DDHD1: variants seen among roughly 807,000 people sequenced by gnomAD.
The protein encoded by DDHD1 is DDHD domain containing 1.
A neutral mutation model predicts 96.4 loss-of-function variants in DDHD1; 49 were observed. That is an observed-to-expected ratio of 0.51 (90% CI 0.40 to 0.64). The LOEUF (loss-of-function observed/expected upper bound fraction) is 0.64. Ranked by LOEUF, DDHD1 falls within the 30% of genes least tolerant of loss-of-function variation. DDHD1 has a pLI of 0.00. For missense variants in DDHD1, 1,106 were observed against 1,161.2 expected (o/e 0.95, Z 0.69); for synonymous variants, 442 against 446.5 (o/e 0.99, Z 0.13).
At chr14:53,135,929 A>G (rs1312785911) in intron 1 of DDHD1, among the ~76,000 whole-genome samples, 2 of 152,254 alleles carry the variant, frequency 1.3e-5, no homozygotes, top group African/African-American at 4.8e-5. Flanking sequence ...CTAAGCCATC[A>G]TATCTCCTGT....
Position 53,108,246 on chromosome 14 carries a change from C to T in DDHD1, c.839-4390G>A, listed in dbSNP as rs530563753. ...GCGCCCACTGCTCTTCCCGACTGGG[C>T]TAAAGGCTTGCCATTGTTCCTGCAC... On this transcript the variant is annotated intron_variant, in intron 1 of 12. Coordinates refer to ENST00000673822, the MANE Select transcript of DDHD1 (RefSeq NM_001160148.2). Among the ~76,000 whole-genome samples the T allele has an allele frequency of 4.6e-5, 7 of 152,350 alleles. No individual in the cohort carries two copies. The South Asian group carries it at 1.5e-3, about 32-fold the overall frequency.
At chr14:53,150,413 T>C (rs556899166) in intron 1 of DDHD1, among the ~76,000 whole-genome samples, 1 of 152,360 alleles carries the variant, frequency 6.6e-6, no homozygotes, top group East Asian at 1.9e-4. Flanking sequence ...GACAAGTTCA[T>C]TAATTTCGCT....
intron 5 of DDHD1, 50 bp from the exon 6 acceptor site, chr14:53,072,753 A>T: frequency 7.6e-7 from 1 of 1,313,730 alleles, no homozygotes. Flanking sequence ...AGTCTCTGTT[A>T]CAGGAAAGTA....
chr14:53,121,547 A>G (rs112203961), intron 1 of DDHD1, among the ~76,000 whole-genome samples: 2,950 of 152,320 alleles, frequency 0.019, 103 homozygotes, highest in African/African-American at 0.068. Context: ...CTCATCAATG[A>G]TAGACTGGAT....
rs76296720 is a variant in DDHD1, at chr14:53,068,087, T to C, written c.1503+4510A>G. 6.2e-3 allele frequency among the ~76,000 whole-genome samples: 945 copies of C among 152,232 alleles called. 16 individuals carry two copies. The highest frequency in any genetic ancestry group is 0.022 in the African/African-American group (897 of 41,544). ...TATTTCATCTAATCTACCATCCACA[T>C]TCTAATTCTGCCAGCGTATCTAATA... On this transcript the variant is annotated intron_variant, in intron 6 of 12. Coordinates refer to ENST00000673822, the MANE Select transcript of DDHD1 (RefSeq NM_001160148.2).
intron 3 of DDHD1, 145 bp downstream of exon 3, chr14:53,093,171 A>G: frequency 1.4e-6 from 1 of 739,728 alleles, no homozygotes; most frequent in Non-Finnish European, 1.9e-6. Context: ...TCAACTTAAT[A>G]AAAGTTTCAT....
rs1341763453 is a variant in DDHD1 at position 53,077,657 on chromosome 14, G to GT, written c.1290-3811dup. Among the ~76,000 whole-genome samples the GT allele has an allele frequency of 1.2e-3, 106 of 87,966 alleles. 1 individual carries two copies. The East Asian group carries it at 0.025, about 21-fold the overall frequency. The allele number at this position is 87,966 out of a possible 152,430, so 57.7% of individuals were successfully genotyped here. A position where few individuals can be genotyped will look rare whatever the true frequency, so the allele number is the denominator to read the frequency against. On this transcript the variant is annotated intron_variant, in intron 4 of 12. Transcript: ENST00000673822. ...AGTTGCTTTTGACACAACTTCATTA[G>GT]TTTTTGTTTTTGTTTTTTTTTTTTA...
Position 53,094,843 on chromosome 14 carries a change from CAA to C in DDHD1, c.1013-1401_1013-1400del, listed in dbSNP as rs35080055. On this transcript the variant is annotated intron_variant, in intron 2 of 12. Coordinates refer to ENST00000673822, the MANE Select transcript of DDHD1 (RefSeq NM_001160148.2). ...TGGGCAACACAGAGAGATCCTGTCT[CAA>C]AAAAAAAAAAAAAATCAGTATGGTT... Among the ~76,000 whole-genome samples the C allele has an allele frequency of 1.4e-3, 197 of 141,292 alleles. 1 individual carries two copies. Among genetic ancestry groups the C allele is most frequent in the African/African-American group, 4.1e-3 (161 of 38,856 alleles). The allele number at this position is 141,292 out of a possible 152,430, so 92.7% of individuals were successfully genotyped here.
rs142645677 is a variant in DDHD1, at chr14:53,081,505, C to T, written c.1290-7658G>A. Among the ~76,000 whole-genome samples the T allele has an allele frequency of 9.5e-4, 144 of 152,228 alleles. 1 individual carries two copies. Among genetic ancestry groups the T allele is most frequent in the African/African-American group, 3.3e-3 (136 of 41,540 alleles). On this transcript the variant is annotated intron_variant, in intron 4 of 12. Transcript: ENST00000673822. ...CTCAACCATAGACAATTTTGTACTT[C>T]GAGGGACACTTGGCAATGTTTGGAG...
intron 2 of DDHD1, chr14:53,096,057 A>G (rs1886860155): frequency 1.2e-6 from 1 of 858,920 alleles, no homozygotes; most frequent in East Asian, 1.2e-4. Flanking sequence ...TTTAAATGCA[A>G]CTGAATACTA....
chr14:53,061,750 T>C (rs1883576329), intron 7 of DDHD1, among the ~76,000 whole-genome samples: 1 of 152,124 alleles, frequency 6.6e-6, no homozygotes, highest in South Asian at 2.1e-4. Context: ...AAAGCTATAG[T>C]TGGCCAGGCG....
intron 1 of DDHD1, among the ~76,000 whole-genome samples, chr14:53,108,970 C>T (rs978805654): frequency 6.6e-6 from 1 of 152,114 alleles, no homozygotes; most frequent in Non-Finnish European, 1.5e-5. Context: ...CTTAAAGTAG[C>T]TTTGTGTAGC....
chr14:53,071,945 C>G (rs1884544067), intron 6 of DDHD1, among the ~76,000 whole-genome samples: 1 of 152,132 alleles, frequency 6.6e-6, no homozygotes, highest in Admixed American at 6.6e-5. Context: ...ATGCAATGAG[C>G]AAGCCTCAAA....
chr14:53,060,193 A>G (rs1417557409), intron 8 of DDHD1, among the ~76,000 whole-genome samples: 2 of 152,224 alleles, frequency 1.3e-5, no homozygotes, highest in Admixed American at 6.5e-5. Flanking sequence ...TCAACAGGAA[A>G]TGAGTATTAG....
At chr14:53,049,656 T>TGAA (rs1882357985) in intron 12 of DDHD1, among the ~76,000 whole-genome samples, 56 of 45,214 alleles carry the variant, frequency 1.2e-3, no homozygotes, top group African/African-American at 7.1e-3. Context: ...CTGAGCTAGG[T>TGAA]CAAAAAAAAA....
At chr14:53,149,066 G>A (rs1891180971) in intron 1 of DDHD1, among the ~76,000 whole-genome samples, 1 of 152,112 alleles carries the variant, frequency 6.6e-6, no homozygotes, top group Admixed American at 6.5e-5. Flanking sequence ...AAACAAAAAT[G>A]TTTACTACGA....
At chr14:53,085,041 A>C (rs941689548) in intron 4 of DDHD1, among the ~76,000 whole-genome samples, 2 of 152,236 alleles carry the variant, frequency 1.3e-5, no homozygotes, top group Non-Finnish European at 2.9e-5. Context: ...GTATGAGATC[A>C]AACTGCTAGG....
chr14:53,083,722 C>T (rs1449825405), intron 4 of DDHD1, among the ~76,000 whole-genome samples: 1 of 152,198 alleles, frequency 6.6e-6, no homozygotes, highest in Non-Finnish European at 1.5e-5. Context: ...GAACACTGAA[C>T]TTAGGAATGA....
intron 1 of DDHD1, among the ~76,000 whole-genome samples, chr14:53,117,431 A>G (rs1482267962): frequency 6.6e-6 from 1 of 151,956 alleles, no homozygotes; most frequent in Non-Finnish European, 1.5e-5. Context: ...GAAATGGTAC[A>G]CTCCTCACCA....
Sources: gnomAD v4.1 joint callset for allele counts (sites outside exome capture counted in the v4.1 genomes callset) on GRCh38, gnomAD v4.1.1 for gene constraint, MANE v1.5 for transcripts, NCBI Gene and HGNC (gene_info 2026-07-23, HGNC 2026-07-21) for gene names.